Variants in GABRA3 observed in about 807,000 individuals in gnomAD.
GABRA3 encodes gamma-aminobutyric acid receptor subunit alpha-3.
A neutral mutation model predicts 30.1 loss-of-function variants in GABRA3; 10 were observed. That is an observed-to-expected ratio of 0.33 (90% CI 0.20 to 0.56). The LOEUF (loss-of-function observed/expected upper bound fraction) is 0.56, where lower values mean the gene tolerates loss of function less well. Ranked by LOEUF, GABRA3 falls within the 20% of genes least tolerant of loss-of-function variation. The pLI is 0.89. For synonymous variants in GABRA3, 151 were observed against 146.8 expected (o/e 1.03, Z -0.21); for missense variants, 233 against 392.0 (o/e 0.59, Z 3.42).
Position 152,295,447 on chromosome X carries a change from C to T in GABRA3, c.263-10712G>A, listed in dbSNP as rs142844036. Among the ~76,000 whole-genome samples the T allele has an allele frequency of 8.2e-3, 929 of 113,063 alleles. 9 individuals are homozygous for T. Among genetic ancestry groups the T allele is most frequent in the Non-Finnish European group, 0.012 (631 of 53,364 alleles). On this transcript the variant is annotated intron_variant, in intron 3 of 9. Transcript: ENST00000370314. ...CCAGGCTGTTGCCTCACAGGTCAAT[C>T]TCAGACTGCTGCGCTAGCAGTGAGC...
At position 152,168,369 on chromosome X, in the gene GABRA3, G is replaced by C. The variant is rs76096542; in HGVS notation, c.1338C>G (p.Thr446=). The change falls in exon 10 of 10, where the codon ACC becomes ACG. Residue 446 remains threonine, a synonymous_variant. Transcript: ENST00000370314. ...CCTTGCTGACACTGTTGTAGGTCTT[G>C]GTCTCAGTCGGGCTGTCCTGCACGT... The part of the protein sequence containing the change: ...ATYVQDSPTE[T]KTYNSVSKVD... The C allele has an allele frequency of 9.8e-4, 1,187 of 1,210,176 alleles. 4 individuals carry two copies. In the Middle Eastern group the frequency reaches 0.022, roughly 22 times the overall value.
chrX:152,360,237 G>A (rs1209584034), intron 2 of GABRA3, among the ~76,000 whole-genome samples: 29 of 70,704 alleles, frequency 4.1e-4, no homozygotes, highest in African/African-American at 1.3e-3. Context: ...CTGAGGAATC[G>A]CCACACTGAC....
intron 4 of GABRA3, among the ~76,000 whole-genome samples, chrX:152,279,591 C>T (rs776287482): frequency 7.2e-5 from 8 of 110,994 alleles, no homozygotes; most frequent in South Asian, 3.8e-4. Context: ...CTTGGCAATG[C>T]GGGCTTTTTT....
At chrX:152,297,550 T>A (rs957968334) in intron 3 of GABRA3, among the ~76,000 whole-genome samples, 2 of 112,355 alleles carry the variant, frequency 1.8e-5, no homozygotes, top group African/African-American at 6.5e-5. Flanking sequence ...ATACTGATAC[T>A]TACCCAGAAT....
At chrX:152,330,444 C>T (rs1432396995) in intron 3 of GABRA3, among the ~76,000 whole-genome samples, 1 of 111,856 alleles carries the variant, frequency 8.9e-6, no homozygotes, top group African/African-American at 3.3e-5. Context: ...GACTTGTAAC[C>T]AAGCCAAATG....
At chrX:152,438,107 T>C (rs1930824184) in intron 1 of GABRA3, among the ~76,000 whole-genome samples, 3 of 111,913 alleles carry the variant, frequency 2.7e-5, no homozygotes, top group Admixed American at 1.9e-4. Flanking sequence ...AAAGGACTCT[T>C]ACACTGAACA....
chrX:152,428,399 G>A (rs1930564461), intron 1 of GABRA3, among the ~76,000 whole-genome samples: 1 of 112,347 alleles, frequency 8.9e-6, no homozygotes, highest in Admixed American at 9.4e-5. Context: ...ACGCTAAAGA[G>A]TAACTGCAGA....
At chrX:152,376,101 G>T (rs1395692145) in intron 1 of GABRA3, among the ~76,000 whole-genome samples, 3 of 111,818 alleles carry the variant, frequency 2.7e-5, no homozygotes, top group Non-Finnish European at 5.6e-5. Context: ...AATTGCCTGA[G>T]AATTTGAGTT....
At chrX:152,187,026 T>A (rs933208782) in intron 9 of GABRA3, among the ~76,000 whole-genome samples, 2 of 112,023 alleles carry the variant, frequency 1.8e-5, no homozygotes, top group Non-Finnish European at 3.8e-5. Flanking sequence ...TAATTTCTCA[T>A]TAGTGAACTC....
chrX:152,390,195 CCTT>C (rs1929439784), intron 1 of GABRA3, among the ~76,000 whole-genome samples: 1 of 111,843 alleles, frequency 8.9e-6, no homozygotes, highest in Admixed American at 9.5e-5. Flanking sequence ...TCGTCTGAAG[CCTT>C]CTTCTCTCAG....
chrX:152,246,267 A>C, intron 5 of GABRA3, among the ~76,000 whole-genome samples: 1 of 111,831 alleles, frequency 8.9e-6, no homozygotes, highest in Non-Finnish European at 1.9e-5. Context: ...GTTAGAATGA[A>C]CTTTTAAACA....
chrX:152,229,205 G>A (rs80208104), intron 5 of GABRA3, among the ~76,000 whole-genome samples: 1 of 110,992 alleles, frequency 9.0e-6, no homozygotes, highest in African/African-American at 3.3e-5. Context: ...TTCAAAAAAG[G>A]TCAGAATCCC....
intron 5 of GABRA3, among the ~76,000 whole-genome samples, chrX:152,241,352 G>C (rs1352655302): frequency 2.1e-5 from 2 of 94,750 alleles, no homozygotes; most frequent in Non-Finnish European, 4.7e-5. Flanking sequence ...TGAGGAGGCA[G>C]TCTGCCGGTT....
intron 1 of GABRA3, among the ~76,000 whole-genome samples, chrX:152,414,330 T>C (rs1436544816): frequency 9.0e-6 from 1 of 111,410 alleles, no homozygotes; most frequent in Non-Finnish European, 1.9e-5. Context: ...TACTGCTGCA[T>C]GTATTGAAGT....
intron 8 of GABRA3, among the ~76,000 whole-genome samples, chrX:152,190,937 G>A (rs1937317588): frequency 9.2e-6 from 1 of 108,577 alleles, no homozygotes; most frequent in African/African-American, 3.3e-5. Context: ...GAATGAACTA[G>A]GCTGAAAACT....
chrX:152,255,116 T>A (rs982093773), intron 5 of GABRA3, among the ~76,000 whole-genome samples: 7 of 111,267 alleles, frequency 6.3e-5, no homozygotes, highest in African/African-American at 2.3e-4. Flanking sequence ...TATGAAGATT[T>A]CTATATCTAT....
intron 1 of GABRA3, among the ~76,000 whole-genome samples, chrX:152,365,801 A>G (rs1038815413): frequency 8.9e-6 from 1 of 111,742 alleles, no homozygotes; most frequent in African/African-American, 3.2e-5. Flanking sequence ...CACTGGATCT[A>G]TATTAAGCTG....
chrX:152,292,672 T>C (rs1939444178), intron 3 of GABRA3, among the ~76,000 whole-genome samples: 2 of 112,234 alleles, frequency 1.8e-5, no homozygotes, highest in African/African-American at 6.5e-5. Flanking sequence ...TCCTGCTTTC[T>C]CTTGAGGGCA....
At chrX:152,361,091 TAA>T (rs760348032) in intron 2 of GABRA3, among the ~76,000 whole-genome samples, 27 of 85,404 alleles carry the variant, frequency 3.2e-4, no homozygotes, top group African/African-American at 3.8e-4. Context: ...ACCACGTCTT[TAA>T]AAAAAAAAAA....
Sources: allele counts gnomAD v4.1 joint callset (sites outside exome capture counted in the v4.1 genomes callset), GRCh38; gene constraint gnomAD v4.1.1; transcripts MANE v1.5; gene names NCBI Gene and HGNC (gene_info 2026-07-23, HGNC 2026-07-21).